Variants in EYS observed in about 807,000 individuals in gnomAD.
EYS encodes the protein protein eyes shut homolog.
In EYS, 250 loss-of-function variants were observed where a neutral mutation model predicts 282.1. That is an observed-to-expected ratio of 0.89 (90% CI 0.80 to 0.98). The LOEUF (loss-of-function observed/expected upper bound fraction) is 0.98, where lower values mean the gene tolerates loss of function less well. Among genes scored for constraint, EYS ranks in the 50% least tolerant of loss-of-function variants. EYS has a pLI of 0.00. For synonymous variants in EYS, 1,355 were observed against 1,282.9 expected (o/e 1.06, Z -1.20); for missense variants, 4,016 against 3,709.0 (o/e 1.08, Z -2.15).
chr6:64,460,945 A>G (rs1045544960), intron 26 of EYS, among the ~76,000 whole-genome samples: 1 of 152,196 alleles, frequency 6.6e-6, no homozygotes, highest in African/African-American at 2.4e-5. Flanking sequence ...ATTCTTCTCA[A>G]AATTTGGGGA....
At chr6:64,945,973 C>A in intron 14 of EYS, 59 bp from the exon 15 acceptor site, 1 of 1,307,958 alleles carries the variant, frequency 7.6e-7, no homozygotes, top group Non-Finnish European at 1.0e-6. Context: ...GCCTATAATA[C>A]AGATATTACT....
intron 2 of EYS, among the ~76,000 whole-genome samples, chr6:65,602,173 C>G (rs938197934): frequency 6.6e-6 from 1 of 151,762 alleles, no homozygotes; most frequent in African/African-American, 2.4e-5. Flanking sequence ...ATTTTCCATT[C>G]CTCCAAAACT....
intron 22 of EYS, among the ~76,000 whole-genome samples, chr6:64,668,113 T>C (rs1769297110): frequency 6.6e-6 from 1 of 152,172 alleles, no homozygotes; most frequent in Admixed American, 6.5e-5. Flanking sequence ...TTTGGAAATA[T>C]TGAAAAACCA....
intron 33 of EYS, among the ~76,000 whole-genome samples, chr6:64,007,714 T>G (rs1464558712): frequency 6.6e-6 from 1 of 152,160 alleles, no homozygotes; most frequent in African/African-American, 2.4e-5. Flanking sequence ...TTCAAAGAAT[T>G]TATTGATTTC....
At chr6:64,266,529 T>C (rs2150355454) in intron 30 of EYS, among the ~76,000 whole-genome samples, 1 of 152,288 alleles carries the variant, frequency 6.6e-6, no homozygotes, top group South Asian at 2.1e-4. Flanking sequence ...AAAATGAGTG[T>C]TATTGAACTG....
chr6:64,796,452 A>T (rs1280777977), intron 22 of EYS, among the ~76,000 whole-genome samples: 2 of 152,164 alleles, frequency 1.3e-5, no homozygotes, highest in Non-Finnish European at 2.9e-5. Context: ...CCACAGGAGT[A>T]GGAGACAGGA....
At chr6:65,077,116 G>A (rs1446599575) in intron 12 of EYS, among the ~76,000 whole-genome samples, 1 of 152,070 alleles carries the variant, frequency 6.6e-6, no homozygotes, top group Non-Finnish European at 1.5e-5. Flanking sequence ...AAGCAGTATA[G>A]TCTCATACAC....
At chr6:64,511,253 T>TATATATATCATATGTATCATATATATG (rs1434982742) in intron 26 of EYS, among the ~76,000 whole-genome samples, 6 of 148,220 alleles carry the variant, frequency 4.0e-5, no homozygotes, top group African/African-American at 1.2e-4. Context: ...ATATATATGA[T>TATATATATCATATGTATCATATATATG]ATATATATCA....
intron 42 of EYS, among the ~76,000 whole-genome samples, chr6:63,725,267 A>T: frequency 6.6e-6 from 1 of 152,062 alleles, no homozygotes; most frequent in Non-Finnish European, 1.5e-5. Context: ...ATGTAAGAAG[A>T]TGTGCTCTTG....
chr6:64,944,224 A>T (rs1159204617), intron 15 of EYS, among the ~76,000 whole-genome samples: 1 of 152,064 alleles, frequency 6.6e-6, no homozygotes. Flanking sequence ...GTAACCCAGG[A>T]TGGACTAAAT....
At chr6:64,871,699 A>G (rs1159286992) in intron 19 of EYS, among the ~76,000 whole-genome samples, 1 of 152,004 alleles carries the variant, frequency 6.6e-6, no homozygotes, top group African/African-American at 2.4e-5. Context: ...CTAAAATGCT[A>G]GTCAGCTCCT....
chr6:63,874,658 T>A (rs1322951525), intron 35 of EYS, among the ~76,000 whole-genome samples: 1 of 150,506 alleles, frequency 6.6e-6, no homozygotes, highest in Non-Finnish European at 1.5e-5. Context: ...GAGCAGTGGT[T>A]TGTAGTTCTC....
intron 15 of EYS, among the ~76,000 whole-genome samples, chr6:64,920,845 A>G (rs561521736): frequency 3.1e-4 from 47 of 152,248 alleles, no homozygotes; most frequent in African/African-American, 9.6e-4. Flanking sequence ...TAAGCAAAGT[A>G]CTAAGATATA....
chr6:64,045,176 G>T (rs561621585), intron 33 of EYS, among the ~76,000 whole-genome samples: 1 of 152,056 alleles, frequency 6.6e-6, no homozygotes, highest in South Asian at 2.1e-4. Flanking sequence ...GCATCCTTTG[G>T]CTACAGGCAC....
rs769240399 is a variant in EYS at position 64,864,385 on chromosome 6, C to CTTTTTTTTTTTTTTT, written c.2992+22297_2992+22311dup. ...GAGAAATACAGAGGTGCTATACCTT[C>CTTTTTTTTTTTTTTT]TTTTTTTTTTTTTTTTTTTTTGACA... On this transcript the variant is annotated intron_variant, in intron 19 of 42. Transcript: ENST00000503581. 1.8e-3 allele frequency among the ~76,000 whole-genome samples: 105 copies of CTTTTTTTTTTTTTTT among 57,190 alleles called. 20 individuals carry two copies. The highest frequency in any genetic ancestry group is 3.2e-3 in the African/African-American group (55 of 17,116). 37.5% of individuals were successfully genotyped at this position (57,190 alleles called of 152,430 possible).
chr6:64,450,666 C>T (rs1775296986), intron 26 of EYS, among the ~76,000 whole-genome samples: 1 of 152,130 alleles, frequency 6.6e-6, no homozygotes, highest in South Asian at 2.1e-4. Flanking sequence ...TCTCTCAGAC[C>T]ACAGTGCAAT....
chr6:65,515,855 C>T (rs892074267), intron 2 of EYS, among the ~76,000 whole-genome samples: 13 of 150,002 alleles, frequency 8.7e-5, no homozygotes, highest in South Asian at 2.1e-4. Flanking sequence ...GACGAGTTAA[C>T]GGGTGCAGCA....
At chr6:64,559,499 A>G (rs1765333691) in intron 26 of EYS, among the ~76,000 whole-genome samples, 1 of 152,166 alleles carries the variant, frequency 6.6e-6, no homozygotes, top group African/African-American at 2.4e-5. Flanking sequence ...TAAAGAGCTG[A>G]TAAAAATCAA....
chr6:65,142,485 C>CACACACACACACACACACACACAT lies in EYS; in HGVS notation c.2024-84759_2024-84758insATGTGTGTGTGTGTGTGTGTGTGT, dbSNP rs1764371397. Among the ~76,000 whole-genome samples the CACACACACACACACACACACACAT allele has an allele frequency of 2.7e-5, 4 of 145,652 alleles. No individual in the cohort carries two copies. In the South Asian group the frequency reaches 8.8e-4, roughly 32 times the overall value. On this transcript the variant is annotated intron_variant, in intron 12 of 42. Coordinates refer to ENST00000503581, the MANE Select transcript of EYS (RefSeq NM_001142800.2). ...AAATGGAATAGAAATACAAAACACA[C>CACACACACACACACACACACACAT]ACACACACACACACACACACACACA... is the stretch of plus-strand genomic sequence containing the variant.
Sources: allele counts gnomAD v4.1 joint callset (sites outside exome capture counted in the v4.1 genomes callset), GRCh38; gene constraint gnomAD v4.1.1; transcripts MANE v1.5; gene names NCBI Gene and HGNC (gene_info 2026-07-23, HGNC 2026-07-21).